ERBB4: variants seen among roughly 807,000 people sequenced by gnomAD.
The protein encoded by ERBB4 is receptor tyrosine-protein kinase erbB-4.
A neutral mutation model predicts 158.0 loss-of-function variants in ERBB4; 42 were observed. That is an observed-to-expected ratio of 0.27 (90% CI 0.21 to 0.34). ERBB4 has a LOEUF of 0.34. Among genes scored for constraint, ERBB4 ranks in the 10% least tolerant of loss-of-function variants. The pLI is 1.00. For missense variants in ERBB4, 1,333 were observed against 1,624.1 expected, an observed-to-expected ratio of 0.82 and a Z score of 3.08; for synonymous variants, 583 against 558.7, an observed-to-expected ratio of 1.04 and a Z score of -0.61.
intron 2 of ERBB4, among the ~76,000 whole-genome samples, chr2:212,096,121 T>A (rs73987227): frequency 0.035 from 5,257 of 151,976 alleles, 166 homozygotes; most frequent in African/African-American, 0.08. Context: ...TGAAAAAACT[T>A]TTAATTTATA....
At chr2:211,647,233 C>T (rs2070809292) in intron 16 of ERBB4, among the ~76,000 whole-genome samples, 1 of 151,258 alleles carries the variant, frequency 6.6e-6, no homozygotes, top group African/African-American at 2.4e-5. Flanking sequence ...TCTCTTCTCT[C>T]TCCTGTATCT....
At chr2:211,719,215 C>T (rs1321111653) in intron 7 of ERBB4, among the ~76,000 whole-genome samples, 1 of 152,198 alleles carries the variant, frequency 6.6e-6, no homozygotes, top group Non-Finnish European at 1.5e-5. Flanking sequence ...GTCACTATTA[C>T]CACGATTGCT....
At chr2:212,466,477 T>A (rs1023147029) in intron 1 of ERBB4, among the ~76,000 whole-genome samples, 3 of 152,182 alleles carry the variant, frequency 2.0e-5, no homozygotes, top group African/African-American at 7.2e-5. Flanking sequence ...GTGCTGTTCT[T>A]ATGATAGTGA....
At chr2:212,416,490 A>G (rs1476297858) in intron 1 of ERBB4, among the ~76,000 whole-genome samples, 1 of 152,140 alleles carries the variant, frequency 6.6e-6, no homozygotes, top group African/African-American at 2.4e-5. Flanking sequence ...TTAAAAAAAT[A>G]GAATAAAGAT....
At position 211,377,963 on chromosome 2, in the gene ERBB4, T is replaced by C. The variant is rs1008127897; in HGVS notation, c.*5652A>G. 4.3e-6 allele frequency: 1 copy of C among 232,800 alleles called. No individual in the cohort carries two copies. 14.4% of individuals were successfully genotyped at this position (232,800 alleles called of 1,614,324 possible). A position where few individuals can be genotyped will look rare whatever the true frequency, so the allele number is the denominator to read the frequency against. On this transcript the variant is annotated 3_prime_UTR_variant, in exon 28 of 28. Transcript: ENST00000342788. Reference sequence around the variant, plus strand: ...ACAGTGTCCAAATTGCTAGAATCTCTTATGAAAAAATCAGGCATTCGAGGG... The same window carrying C: ...ACAGTGTCCAAATTGCTAGAATCTCCTATGAAAAAATCAGGCATTCGAGGG...
chr2:212,072,164 A>C (rs573540551), intron 2 of ERBB4, among the ~76,000 whole-genome samples: 1 of 152,126 alleles, frequency 6.6e-6, no homozygotes, highest in Non-Finnish European at 1.5e-5. Context: ...TGAATGGTTG[A>C]GTACAGAAGT....
intron 3 of ERBB4, among the ~76,000 whole-genome samples, chr2:211,846,472 G>A (rs918852005): frequency 6.6e-6 from 1 of 151,934 alleles, no homozygotes; most frequent in African/African-American, 2.4e-5. Context: ...CTAGGCTAAT[G>A]TCCTCTCAGC....
At chr2:211,908,674 A>G (rs987478384) in intron 3 of ERBB4, among the ~76,000 whole-genome samples, 7 of 151,824 alleles carry the variant, frequency 4.6e-5, no homozygotes, top group Admixed American at 1.3e-4. Context: ...CATTACTGCA[A>G]TATAACAGAC....
intron 3 of ERBB4, among the ~76,000 whole-genome samples, chr2:211,814,747 A>G (rs548603960): frequency 1.4e-4 from 21 of 152,328 alleles, no homozygotes; most frequent in African/African-American, 4.6e-4. Context: ...TGAGTCAGAA[A>G]TTTATATTAT....
At chr2:212,057,477 A>C (rs1207281484) in intron 2 of ERBB4, among the ~76,000 whole-genome samples, 3 of 152,186 alleles carry the variant, frequency 2.0e-5, no homozygotes, top group Non-Finnish European at 1.5e-5. Context: ...CAGAATATAC[A>C]TACTTCTCAG....
At chr2:212,156,772 G>C (rs533783319) in intron 1 of ERBB4, among the ~76,000 whole-genome samples, 2 of 152,068 alleles carry the variant, frequency 1.3e-5, no homozygotes, top group Admixed American at 6.6e-5. Context: ...CATCCAATCA[G>C]TTGTCCAAGA....
intron 1 of ERBB4, among the ~76,000 whole-genome samples, chr2:212,140,314 A>G (rs2080411091): frequency 6.7e-6 from 1 of 149,502 alleles, no homozygotes; most frequent in Non-Finnish European, 1.5e-5. Context: ...TATGTTGCAA[A>G]TGGTTTTCTC....
chr2:212,300,740 G>C, intron 1 of ERBB4, among the ~76,000 whole-genome samples: 1 of 151,354 alleles, frequency 6.6e-6, no homozygotes, highest in East Asian at 1.9e-4. Context: ...ATTTTTAGAT[G>C]AACCATTAAC....
intron 25 of ERBB4, among the ~76,000 whole-genome samples, chr2:211,414,500 T>TAA (rs71047174): frequency 3.9e-5 from 4 of 102,108 alleles, no homozygotes; most frequent in East Asian, 2.7e-4. Flanking sequence ...CAGTCTCAAT[T>TAA]AAAAAAAAAA....
rs149543633 is a variant in ERBB4, at chr2:211,757,364, C to T, written c.557-6660G>A. 7.2e-5 allele frequency among the ~76,000 whole-genome samples: 11 copies of T among 152,226 alleles called. No homozygotes were observed. In the East Asian group the frequency reaches 1.4e-3, roughly 19 times the overall value. On this transcript the variant is annotated intron_variant, in intron 4 of 27. Transcript: ENST00000342788. ...TAAAAATGAAACTAAAAACATTTAT[C>T]GTTGGGATTTTTCATCTTACAGTAT...
Position 212,373,756 on chromosome 2 carries a change from T to C in ERBB4, c.82+164693A>G, listed in dbSNP as rs578021651. ...ATATATCCATATATATATCCATGTA[T>C]ATATCCACGTATATATCCATGTATA... On this transcript the variant is annotated intron_variant, in intron 1 of 27. Transcript: ENST00000342788. Among the ~76,000 whole-genome samples the C allele has an allele frequency of 7.1e-5, 10 of 141,066 alleles. No individual in the cohort carries two copies. In the South Asian group the frequency reaches 2.3e-3, roughly 33 times the overall value. The allele number at this position is 141,066 out of a possible 152,430, so 92.5% of individuals were successfully genotyped here.
chr2:212,283,421 T>C (rs1416746890), intron 1 of ERBB4, among the ~76,000 whole-genome samples: 1 of 152,028 alleles, frequency 6.6e-6, no homozygotes, highest in Non-Finnish European at 1.5e-5. Context: ...AGGTAGATAG[T>C]AATTATTGAC....
At chr2:212,394,423 T>G (rs560556376) in intron 1 of ERBB4, among the ~76,000 whole-genome samples, 4 of 152,196 alleles carry the variant, frequency 2.6e-5, no homozygotes, top group South Asian at 2.1e-4. Flanking sequence ...TTTGTCAACA[T>G]GAAAATTCAA....
At chr2:211,455,150 A>C (rs1051874623) in intron 20 of ERBB4, among the ~76,000 whole-genome samples, 5 of 152,234 alleles carry the variant, frequency 3.3e-5, no homozygotes, top group Admixed American at 3.3e-4. Context: ...ACTCTGTTTT[A>C]ATATGATCAT....
Sources: allele counts gnomAD v4.1 joint callset (sites outside exome capture counted in the v4.1 genomes callset), GRCh38; gene constraint gnomAD v4.1.1; transcripts MANE v1.5; gene names NCBI Gene and HGNC (gene_info 2026-07-23, HGNC 2026-07-21).